SARDH: variants seen among roughly 807,000 people sequenced by gnomAD.
SARDH encodes sarcosine dehydrogenase, also known as sarcosine dehydrogenase, mitochondrial.
SARDH carries 95 observed loss-of-function variants against 109.1 expected under a neutral mutation model. The observed-to-expected ratio is 0.87, with a 90% confidence interval of 0.74 to 1.03. The LOEUF is 1.03. SARDH is among the 50% of genes least tolerant of loss of function. SARDH has a pLI of 0.00. For synonymous variants in SARDH, 572 were observed against 534.8 expected, an observed-to-expected ratio of 1.07 and a Z score of -0.96; for missense variants, 1,267 against 1,287.8, an observed-to-expected ratio of 0.98 and a Z score of 0.25.
chr9:133,719,247 C>T (rs1832237355), intron 6 of SARDH, among the ~76,000 whole-genome samples: 1 of 152,114 alleles, frequency 6.6e-6, no homozygotes, highest in African/African-American at 2.4e-5. Flanking sequence ...CTCTCCTTCC[C>T]CAAATCCCAT....
At chr9:133,721,532 G>A (rs73662181) in intron 6 of SARDH, among the ~76,000 whole-genome samples, 2,631 of 152,242 alleles carry the variant, frequency 0.017, 80 homozygotes, top group African/African-American at 0.059. Context: ...GCGGGGAGGC[G>A]TGAAGAAGGC....
Position 133,718,734 on chromosome 9 carries a change from T to C in SARDH, c.1020+204A>G. On this transcript the variant is annotated intron_variant, in intron 7 of 20. Coordinates refer to ENST00000439388, the MANE Select transcript of SARDH (RefSeq NM_001134707.2). The surrounding 1 kb of genome is among the most constrained non-coding windows in gnomAD (Gnocchi z 4.2). ...ATGTTTTGAGGCAAAGCCCTCCAGC[T>C]GCCCTGGGTCTGTATTTGACTGCCT... is the stretch of plus-strand genomic sequence containing the variant. The C allele has an allele frequency of 1.3e-6, 1 of 780,060 alleles. No individual in the cohort carries two copies. Among genetic ancestry groups the C allele is most frequent in the Non-Finnish European group, 2.4e-6 (1 of 418,312 alleles). 48.3% of individuals were successfully genotyped at this position (780,060 alleles called of 1,614,324 possible).
Position 133,712,941 on chromosome 9 carries a change from TC to T in SARDH, c.1237+96del. The T allele has an allele frequency of 8.0e-7, 1 of 1,251,630 alleles. No individual in the cohort carries two copies. 77.5% of individuals were successfully genotyped at this position (1,251,630 alleles called of 1,614,324 possible). Reference sequence around the variant, plus strand: ...CCAGCCTCTCCTGTCCCCACCACTGTCGGGGGCCACGGTGCTCCTGCGCCCG... The same window carrying T: ...CCAGCCTCTCCTGTCCCCACCACTGTGGGGGCCACGGTGCTCCTGCGCCCG... On this transcript the variant is annotated intron_variant, in intron 9 of 20. Transcript: ENST00000439388. This position sits in a 1 kb window ranked among gnomAD's most constrained non-coding sequence, Gnocchi z 4.1.
intron 4 of SARDH, 118 bp from the exon 5 acceptor site, chr9:133,730,305 G>T (rs575615962): frequency 5.9e-6 from 8 of 1,358,236 alleles, no homozygotes; most frequent in Admixed American, 4.2e-5. Flanking sequence ...TCTGCCAGCA[G>T]CAGGTCCCCT....
rs1830082372 is a variant in SARDH at position 133,666,772 on chromosome 9, A to C, written c.2594T>G (p.Ile865Ser). 2 of 1,601,978 alleles carry C rather than the reference A, an allele frequency of 1.2e-6. No individual in the cohort carries two copies. Among genetic ancestry groups the C allele is most frequent in the African/African-American group, 1.3e-5 (1 of 74,706 alleles). ...ADFGFAIDKT[I>S]AYGYIHDPSG... ...GGGGTCATGGATGTAACCGTAGGCGATGGTCTTGTCGATGGCGAACCCAAA... is the reference window on the plus strand; with the variant it reads ...GGGGTCATGGATGTAACCGTAGGCGCTGGTCTTGTCGATGGCGAACCCAAA... Residue 865 changes from isoleucine (I) to serine (S), a missense_variant, in exon 20 of 21, where the codon ATC becomes AGC. Physicochemically the swap from Ile to Ser is moderately radical, Grantham distance 142. Transcript: ENST00000439388. The surrounding 1 kb of genome is among the most constrained non-coding windows in gnomAD (Gnocchi z 5.2).
At chr9:133,701,614 C>A (rs1217782963) in intron 13 of SARDH, among the ~76,000 whole-genome samples, 1 of 152,220 alleles carries the variant, frequency 6.6e-6, no homozygotes, top group East Asian at 1.9e-4. Context: ...GGCCAGAGTC[C>A]CACAGGCTTT....
intron 20 of SARDH, among the ~76,000 whole-genome samples, chr9:133,664,818 C>A (rs1830006001): frequency 6.6e-6 from 1 of 152,308 alleles, no homozygotes; most frequent in Admixed American, 6.5e-5. Context: ...CATGTGTGCA[C>A]CTGCAGGGCT....
At chr9:133,697,040 A>G (rs1360047566) in intron 13 of SARDH, among the ~76,000 whole-genome samples, 1 of 152,194 alleles carries the variant, frequency 6.6e-6, no homozygotes. Flanking sequence ...AGATCAACAA[A>G]ATGGACAAAC....
intron 13 of SARDH, among the ~76,000 whole-genome samples, chr9:133,700,883 T>C (rs1250474805): frequency 6.6e-6 from 1 of 152,208 alleles, no homozygotes; most frequent in Non-Finnish European, 1.5e-5. Context: ...CCCCCACTGC[T>C]GAGCAGAGGT....
chr9:133,716,858 C>A (rs947740443), intron 8 of SARDH, among the ~76,000 whole-genome samples: 18 of 152,138 alleles, frequency 1.2e-4, no homozygotes, highest in African/African-American at 3.6e-4. Context: ...TCTCTGGGAG[C>A]GGTGGGGGCT....
At chr9:133,691,798 A>G (rs1831107437) in intron 15 of SARDH, among the ~76,000 whole-genome samples, 1 of 152,182 alleles carries the variant, frequency 6.6e-6, no homozygotes, top group South Asian at 2.1e-4. Flanking sequence ...TGCAGTTTTG[A>G]AGCCTGAAAG....
Position 133,696,227 on chromosome 9 carries a change from G to T in SARDH, c.1803C>A (p.Pro601=). ...DWLFSADVSR[P]PGSTVYTCML... The stretch of plus-strand genomic sequence containing the variant: ...CCCCAACCTCAGGCTCCATACCTGG[G>T]GGTCGGCTGACATCTGCGGAGAAGA... The change falls in exon 14 of 21, where the codon CCC becomes CCA. Residue 601 remains proline, a synonymous_variant. Coordinates refer to ENST00000439388, the MANE Select transcript of SARDH (RefSeq NM_001134707.2). The T allele has an allele frequency of 1.2e-6, 2 of 1,613,878 alleles. No homozygotes were observed. Among genetic ancestry groups the T allele is most frequent in the African/African-American group, 1.3e-5 (1 of 75,050 alleles).
At chr9:133,730,804 T>A (rs534336233) in intron 4 of SARDH, among the ~76,000 whole-genome samples, 1 of 151,998 alleles carries the variant, frequency 6.6e-6, no homozygotes, top group Non-Finnish European at 1.5e-5. Context: ...AGTGAAACCC[T>A]GTCTCTACTA....
intron 20 of SARDH, among the ~76,000 whole-genome samples, chr9:133,665,926 C>A (rs1018332669): frequency 1.3e-5 from 2 of 152,224 alleles, no homozygotes; most frequent in Admixed American, 6.5e-5. Context: ...AACGTCAGAT[C>A]GGCTCCCATG....
upstream of SARDH, among the ~76,000 whole-genome samples, chr9:133,738,703 G>T (rs1445878815): frequency 6.6e-6 from 1 of 152,242 alleles, no homozygotes; most frequent in Non-Finnish European, 1.5e-5. Flanking sequence ...GGAAAGGTGG[G>T]GTCAGCAGCA....
rs3780803 is a variant in SARDH, at chr9:133,733,108, G to T, written c.332-507C>A. On this transcript the variant is annotated intron_variant, in intron 2 of 20. Transcript: ENST00000439388. ...TGGCTGGCGAAACGTCAGGGAAGAGGCTATGACAGCCCAGCTAGGGGGCCA... is the reference window on the plus strand; with the variant it reads ...TGGCTGGCGAAACGTCAGGGAAGAGTCTATGACAGCCCAGCTAGGGGGCCA... Among the ~76,000 whole-genome samples the T allele has an allele frequency of 3.2e-3, 486 of 152,328 alleles. 7 individuals are homozygous for T. The highest frequency in any genetic ancestry group is 0.022 in the East Asian group (112 of 5,178).
chr9:133,670,646 C>A lies in SARDH; in HGVS notation c.2433G>T (p.Glu811Asp), dbSNP rs1049985656. 1.9e-6 allele frequency: 3 copies of A among 1,589,546 alleles called. No homozygotes were observed. The Admixed American group carries it at 5.3e-5, about 28-fold the overall frequency. ...CTGCGGCCCGCTGCTGCTCCAGGGC[C>A]TCCCTCCCCAGGAAGGGCACCGGCG... ...LKSPVPFLGR[E>D]ALEQQRAAGL... is the part of the protein sequence containing the mutation. Residue 811 changes from glutamate to aspartate, a missense_variant, in exon 19 of 21, where the codon GAG becomes GAT. Glu to Asp is a conservative substitution (Grantham distance 45, BLOSUM62 2). Transcript: ENST00000439388.
chr9:133,713,388 T>C (rs1484667522), intron 8 of SARDH, among the ~76,000 whole-genome samples: 2 of 152,180 alleles, frequency 1.3e-5, no homozygotes, highest in African/African-American at 4.8e-5. Flanking sequence ...GGTCCCGCTG[T>C]CTTGTGGCCG....
chr9:133,676,605 A>G (rs1003545030), intron 17 of SARDH, among the ~76,000 whole-genome samples: 1 of 152,212 alleles, frequency 6.6e-6, no homozygotes, highest in Non-Finnish European at 1.5e-5. Flanking sequence ...CGGGGGGTGT[A>G]GACACAGAGA....
Sources: allele counts gnomAD v4.1 joint callset (sites outside exome capture counted in the v4.1 genomes callset), GRCh38; gene constraint gnomAD v4.1.1; non-coding constraint Gnocchi (gnomAD v3.1); transcripts MANE v1.5; gene names NCBI Gene and HGNC (gene_info 2026-07-23, HGNC 2026-07-21).